Variants in ADGRA3 observed in about 807,000 individuals in gnomAD.
ADGRA3 encodes the protein G-protein coupled receptor 125.
In ADGRA3, 56 loss-of-function variants were observed where a neutral mutation model predicts 119.8. That is an observed-to-expected ratio of 0.47 (90% CI 0.38 to 0.58). ADGRA3 has a LOEUF of 0.58. ADGRA3 is among the 20% of genes least tolerant of loss of function. The pLI is 0.00. For missense variants in ADGRA3, 1,516 were observed against 1,649.0 expected (o/e 0.92, Z 1.40); for synonymous variants, 607 against 623.8 (o/e 0.97, Z 0.40).
intron 11 of ADGRA3, 80 bp downstream of exon 11, chr4:22,424,111 G>A: frequency 8.2e-7 from 1 of 1,219,090 alleles, no homozygotes; most frequent in Non-Finnish European, 1.1e-6. Context: ...CCATAATGGA[G>A]AAGACACCTA....
rs1463703278 is a variant in ADGRA3, at chr4:22,463,614, C to T, written c.330-1806G>A. On this transcript the variant is annotated intron_variant, in intron 2 of 18. Transcript: ENST00000334304. ...TCCATCCAATCACAGGCACATTCAA[C>T]GTTACTGTCCCACCAGCTAATGAAA... Among the ~76,000 whole-genome samples, 15 of 152,320 alleles carry T rather than the reference C, an allele frequency of 9.8e-5. No individual in the cohort carries two copies. In the East Asian group the frequency reaches 2.7e-3, roughly 27 times the overall value.
intron 3 of ADGRA3, among the ~76,000 whole-genome samples, chr4:22,456,787 T>C (rs1717255629): frequency 6.6e-6 from 1 of 152,210 alleles, no homozygotes; most frequent in Non-Finnish European, 1.5e-5. Flanking sequence ...GCACCTTAGG[T>C]AATCCTAATT....
intron 4 of ADGRA3, among the ~76,000 whole-genome samples, chr4:22,453,212 A>G (rs1577358005): frequency 3.7e-5 from 3 of 81,914 alleles, no homozygotes; most frequent in Non-Finnish European, 6.3e-5. Flanking sequence ...AAAAAAAAAA[A>G]AAAAAGAAAG....
At chr4:22,479,995 C>A (rs192219833) in intron 1 of ADGRA3, among the ~76,000 whole-genome samples, 1 of 151,920 alleles carries the variant, frequency 6.6e-6, no homozygotes. Context: ...GGGCCTGTCA[C>A]GGGGTGGAGG....
At chr4:22,513,209 C>T (rs897866106) in intron 1 of ADGRA3, among the ~76,000 whole-genome samples, 1 of 150,088 alleles carries the variant, frequency 6.7e-6, no homozygotes, top group Non-Finnish European at 1.5e-5. Context: ...GCAATGGTGC[C>T]TTCTTGTCTC....
chr4:22,498,388 T>G (rs200651942), intron 1 of ADGRA3, among the ~76,000 whole-genome samples: 1,713 of 139,676 alleles, frequency 0.012, 21 homozygotes, highest in East Asian at 0.073. Context: ...GGAGGCCAAG[T>G]TGGGTGGATC....
At chr4:22,420,601 A>C (rs1404375703) in intron 12 of ADGRA3, 1 of 454,576 alleles carries the variant, frequency 2.2e-6, no homozygotes, top group Non-Finnish European at 3.8e-6. Flanking sequence ...AGATTTTTTC[A>C]CATGTAACAA....
At position 22,445,055 on chromosome 4, in the gene ADGRA3, C is replaced by G. The variant is rs777333900; in HGVS notation, c.624G>C (p.Thr208=). The G allele has an allele frequency of 1.2e-6, 2 of 1,613,812 alleles. No individual in the cohort carries two copies. The highest frequency in any genetic ancestry group is 1.7e-6 in the Non-Finnish European group (2 of 1,179,898). ...MHRWVKEKNI[T]VRDTRCVYPK... ...GATAAACACACCTGGTATCCCGTAC[C>G]GTGATGTTCTTCTCCTTTACCCAGC... is the stretch of plus-strand genomic sequence containing the variant. The change falls in exon 6 of 19, where the codon ACG becomes ACC. Residue 208 remains threonine, a synonymous_variant. Coordinates refer to ENST00000334304, the MANE Select transcript of ADGRA3 (RefSeq NM_145290.4).
intron 3 of ADGRA3, among the ~76,000 whole-genome samples, chr4:22,460,980 C>T (rs1717425793): frequency 6.6e-6 from 1 of 152,152 alleles, no homozygotes; most frequent in Non-Finnish European, 1.5e-5. Context: ...GTGAAAGGAG[C>T]TTCGTATAGG....
chr4:22,482,678 C>G (rs1577375259), intron 1 of ADGRA3, among the ~76,000 whole-genome samples: 1 of 152,032 alleles, frequency 6.6e-6, no homozygotes, highest in Non-Finnish European at 1.5e-5. Flanking sequence ...CAAAACAAAA[C>G]AAAACCCATG....
intron 3 of ADGRA3, among the ~76,000 whole-genome samples, chr4:22,458,944 A>G (rs1717344867): frequency 6.6e-6 from 1 of 152,072 alleles, no homozygotes. Context: ...GGAGACCACC[A>G]CTCACCCCCA....
At chr4:22,400,755 T>C (rs890527536) in intron 16 of ADGRA3, among the ~76,000 whole-genome samples, 2 of 151,848 alleles carry the variant, frequency 1.3e-5, no homozygotes, top group Admixed American at 6.6e-5. Flanking sequence ...AGATTGCCCA[T>C]AGAAACACAG....
At position 22,447,349 on chromosome 4, in the gene ADGRA3, C is replaced by A. The variant is rs1397885982; in HGVS notation, c.545+91G>T. 2.6e-5 allele frequency: 21 copies of A among 792,790 alleles called. No homozygotes were observed. The Admixed American group carries it at 3.7e-4, about 14-fold the overall frequency. 49.1% of individuals were successfully genotyped at this position (792,790 alleles called of 1,614,324 possible). A position where few individuals can be genotyped will look rare whatever the true frequency, so the allele number is the denominator to read the frequency against. ...CTCTACCTTGACAAGATTGTCCTCA[C>A]AAAGTCTCTGAAACCACATAATAAA... On this transcript the variant is annotated intron_variant, in intron 5 of 18. Coordinates refer to ENST00000334304, the MANE Select transcript of ADGRA3 (RefSeq NM_145290.4).
intron 10 of ADGRA3, among the ~76,000 whole-genome samples, chr4:22,434,973 T>C (rs1167571705): frequency 6.6e-6 from 1 of 152,118 alleles, no homozygotes; most frequent in East Asian, 1.9e-4. Context: ...AGCACGAGGA[T>C]ATGTGGAGAA....
In ADGRA3 at chr4:22,402,767, C is replaced by T. The variant is rs745643517; in HGVS notation, c.2265G>A (p.Ala755=). The change falls in exon 15 of 19, where the codon GCG becomes GCA. Residue 755 remains alanine, a synonymous_variant. Coordinates refer to ENST00000334304, the MANE Select transcript of ADGRA3 (RefSeq NM_145290.4). ...AAACCACAGGATGCAGGAGGCTGGC[C>T]GCCTGGGTGTATAGTTCAGATCCCG... is the stretch of plus-strand genomic sequence containing the variant. ...DLTGSELYTQ[A]ASLLHPVVYT... The T allele has an allele frequency of 6.8e-6, 11 of 1,613,524 alleles. 1 individual carries two copies. Among genetic ancestry groups the T allele is most frequent in the African/African-American group, 5.3e-5 (4 of 74,866 alleles).
chr4:22,405,718 AG>A (rs1714891761), intron 14 of ADGRA3, among the ~76,000 whole-genome samples: 1 of 152,142 alleles, frequency 6.6e-6, no homozygotes, highest in African/African-American at 2.4e-5. Flanking sequence ...CTGCTTCCAC[AG>A]GGGCATTTTG....
At chr4:22,471,343 G>A (rs578229032) in intron 2 of ADGRA3, among the ~76,000 whole-genome samples, 1 of 152,242 alleles carries the variant, frequency 6.6e-6, no homozygotes, top group Admixed American at 6.5e-5. Flanking sequence ...GAGAGAAGCA[G>A]AATAGATAAC....
intron 16 of ADGRA3, chr4:22,393,738 T>G (rs1337731577): frequency 4.6e-5 from 7 of 152,208 alleles, no homozygotes; most frequent in African/African-American, 1.4e-4. Flanking sequence ...TTATTACTTA[T>G]TAAGAATGTG....
intron 1 of ADGRA3, among the ~76,000 whole-genome samples, chr4:22,479,060 G>C (rs1718154837): frequency 6.6e-6 from 1 of 151,900 alleles, no homozygotes; most frequent in Admixed American, 6.5e-5. Context: ...CTCCCCAATA[G>C]ATGCGGCCCA....
Sources: gnomAD v4.1 joint callset for allele counts (sites outside exome capture counted in the v4.1 genomes callset) on GRCh38, gnomAD v4.1.1 for gene constraint, MANE v1.5 for transcripts, NCBI Gene and HGNC (gene_info 2026-07-23, HGNC 2026-07-21) for gene names.